PTPRG: variants seen among roughly 807,000 people sequenced by gnomAD.
The protein encoded by PTPRG is receptor-type tyrosine-protein phosphatase gamma.
In PTPRG, 102 loss-of-function variants were observed where a neutral mutation model predicts 165.3. That is an observed-to-expected ratio of 0.62 (90% CI 0.53 to 0.73). The LOEUF is 0.73. Among genes scored for constraint, PTPRG ranks in the 30% least tolerant of loss-of-function variants. The pLI is 0.00. For missense variants in PTPRG, 1,866 were observed against 1,861.4 expected (o/e 1.00, Z -0.05); for synonymous variants, 675 against 669.5 (o/e 1.01, Z -0.13).
At chr3:62,287,910 G>A (rs1490895287) in intron 28 of PTPRG, among the ~76,000 whole-genome samples, 6 of 151,934 alleles carry the variant, frequency 3.9e-5, no homozygotes, top group Non-Finnish European at 7.4e-5. Context: ...ACCATACAAG[G>A]CTACATTCAT....
In PTPRG at chr3:62,267,507, T is replaced by TTA. The variant is rs749841077; in HGVS notation, c.2739+17_2739+18dup. ...ACTATGTTGATGTAAGTCAGAACTG[T>TTA]TATTATAAACCTGTTTCTAGAAATT... On this transcript the variant is annotated intron_variant, in intron 18 of 29. Coordinates refer to ENST00000474889, the MANE Select transcript of PTPRG (RefSeq NM_002841.4). 1 of 1,593,718 alleles carries TTA rather than the reference T, an allele frequency of 6.3e-7. No individual in the cohort carries two copies. The highest frequency in any genetic ancestry group is 1.1e-5 in the South Asian group (1 of 89,114).
intron 1 of PTPRG, among the ~76,000 whole-genome samples, chr3:61,683,444 C>T (rs1703517905): frequency 2.0e-5 from 3 of 152,072 alleles, no homozygotes; most frequent in Admixed American, 6.6e-5. Context: ...GTTTTTTTCC[C>T]TTTTAGGAAA....
chr3:61,641,393 C>T (rs1018347160), intron 1 of PTPRG, among the ~76,000 whole-genome samples: 1 of 152,190 alleles, frequency 6.6e-6, no homozygotes, highest in African/African-American at 2.4e-5. Flanking sequence ...CATGGTTATC[C>T]TGTGGACTGC....
chr3:62,203,043 T>G lies in PTPRG; in HGVS notation c.1378-130T>G, dbSNP rs1700131785. ...AACTTTATGCCATACATTGGAAAAC[T>G]CCATAGCATAGATGAGTAAAATCCT... is the stretch of plus-strand genomic sequence containing the variant. On this transcript the variant is annotated intron_variant, in intron 11 of 29. Coordinates refer to ENST00000474889, the MANE Select transcript of PTPRG (RefSeq NM_002841.4). The surrounding 1 kb of genome is among the most constrained non-coding windows in gnomAD (Gnocchi z 6.4). 2.8e-6 allele frequency: 4 copies of G among 1,437,950 alleles called. No individual in the cohort carries two copies. The highest frequency in any genetic ancestry group is 3.7e-6 in the Non-Finnish European group (4 of 1,087,454). 89.1% of individuals were successfully genotyped at this position (1,437,950 alleles called of 1,614,324 possible).
At chr3:61,652,091 C>G (rs970401452) in intron 1 of PTPRG, among the ~76,000 whole-genome samples, 1 of 151,168 alleles carries the variant, frequency 6.6e-6, no homozygotes, top group African/African-American at 2.4e-5. Context: ...AGGTGGGTCA[C>G]GAGATCAGGA....
At chr3:61,665,467 A>AACACACAC (rs1457942447) in intron 1 of PTPRG, among the ~76,000 whole-genome samples, 28 of 79,708 alleles carry the variant, frequency 3.5e-4, no homozygotes, top group African/African-American at 1.7e-3. Context: ...ATTGTAAATA[A>AACACACAC]ATACACACAC....
At chr3:62,184,394 A>G (rs186609620) in intron 8 of PTPRG, among the ~76,000 whole-genome samples, 18 of 152,300 alleles carry the variant, frequency 1.2e-4, no homozygotes, top group Middle Eastern at 6.8e-3. Context: ...TTGAAGTCCT[A>G]CGCGGGCTGC....
intron 15 of PTPRG, among the ~76,000 whole-genome samples, chr3:62,251,151 G>A (rs1264193537): frequency 2.0e-5 from 3 of 152,172 alleles, no homozygotes; most frequent in African/African-American, 7.2e-5. Flanking sequence ...AGTGCTTTGG[G>A]AGGCAGAGGC....
At chr3:61,642,096 T>TA (rs1161682039) in intron 1 of PTPRG, among the ~76,000 whole-genome samples, 4 of 152,242 alleles carry the variant, frequency 2.6e-5, no homozygotes, top group Non-Finnish European at 4.4e-5. Context: ...TGTTAGTTTG[T>TA]AAAAATCAAA....
At chr3:62,189,201 CCCTT>C (rs1000817246) in intron 8 of PTPRG, among the ~76,000 whole-genome samples, 5 of 152,128 alleles carry the variant, frequency 3.3e-5, no homozygotes, top group African/African-American at 1.2e-4. Context: ...CTCCCTCCCT[CCCTT>C]CCTTCCGTTT....
chr3:61,991,770 C>G (rs1433461356), intron 3 of PTPRG, among the ~76,000 whole-genome samples: 2 of 152,220 alleles, frequency 1.3e-5, no homozygotes, highest in Non-Finnish European at 2.9e-5. Context: ...ACTGGGCTCT[C>G]TGATACGGTT....
intron 14 of PTPRG, among the ~76,000 whole-genome samples, chr3:62,232,338 T>C (rs1700920965): frequency 6.6e-6 from 1 of 152,228 alleles, no homozygotes; most frequent in Non-Finnish European, 1.5e-5. Context: ...CTGCTAACAC[T>C]GGTAACTAAA....
At chr3:61,599,664 T>A (rs1700795590) in intron 1 of PTPRG, among the ~76,000 whole-genome samples, 1 of 151,696 alleles carries the variant, frequency 6.6e-6, no homozygotes, top group Admixed American at 6.6e-5. Context: ...CCCTAATTTT[T>A]TTTTTTTGTA....
At chr3:61,657,306 G>T (rs1702533535) in intron 1 of PTPRG, among the ~76,000 whole-genome samples, 1 of 152,092 alleles carries the variant, frequency 6.6e-6, no homozygotes, top group African/African-American at 2.4e-5. Context: ...CCTACTTTCA[G>T]GGGAAGGTCA....
At chr3:62,023,907 C>A (rs1395867055) in intron 4 of PTPRG, among the ~76,000 whole-genome samples, 1 of 152,042 alleles carries the variant, frequency 6.6e-6, no homozygotes, top group Non-Finnish European at 1.5e-5. Context: ...GTGTTATTGT[C>A]CACATTATTG....
intron 3 of PTPRG, 122 bp downstream of exon 3, chr3:61,989,926 C>A: frequency 9.6e-7 from 1 of 1,045,788 alleles, no homozygotes. Flanking sequence ...GAGCCTAAAT[C>A]AGTCCTTAGT....
At chr3:61,676,439 A>G in intron 1 of PTPRG, among the ~76,000 whole-genome samples, 1 of 133,112 alleles carries the variant, frequency 7.5e-6, no homozygotes, top group African/African-American at 2.9e-5. Flanking sequence ...CCTGGGCGAC[A>G]GAGCCAGACT....
At chr3:62,062,413 C>G (rs1395505523) in intron 4 of PTPRG, among the ~76,000 whole-genome samples, 2 of 152,080 alleles carry the variant, frequency 1.3e-5, no homozygotes, top group African/African-American at 4.8e-5. Flanking sequence ...CAGGTGTTCA[C>G]AGCAAAATTC....
intron 1 of PTPRG, among the ~76,000 whole-genome samples, chr3:61,717,365 C>T (rs1463763326): frequency 2.0e-5 from 3 of 152,152 alleles, no homozygotes; most frequent in Admixed American, 2.0e-4. Context: ...GTTTTTATAG[C>T]CAAAGGCAAT....
Sources: gnomAD v4.1 joint callset for allele counts (sites outside exome capture counted in the v4.1 genomes callset) on GRCh38, gnomAD v4.1.1 for gene constraint, Gnocchi (gnomAD v3.1) non-coding constraint, MANE v1.5 for transcripts, NCBI Gene and HGNC (gene_info 2026-07-23, HGNC 2026-07-21) for gene names.